The following EZH2 variants were observed in gnomAD, a reference collection of about 807,000 sequenced individuals.
The protein encoded by EZH2 is histone-lysine N-methyltransferase EZH2.
In EZH2, 18 loss-of-function variants were observed where a neutral mutation model predicts 98.4. That is an observed-to-expected ratio of 0.18 (90% CI 0.13 to 0.27). EZH2 has a LOEUF of 0.27. Ranked by LOEUF, EZH2 falls within the 10% of genes least tolerant of loss-of-function variation. The pLI is 1.00. For missense variants in EZH2, 470 were observed against 935.1 expected (o/e 0.50, Z 6.49); for synonymous variants, 338 against 312.3 (o/e 1.08, Z -0.87).
chr7:148,882,712 T>C (rs902967712), intron 1 of EZH2, among the ~76,000 whole-genome samples: 5 of 152,372 alleles, frequency 3.3e-5, no homozygotes, highest in East Asian at 1.9e-4. Flanking sequence ...TTAAATGCTG[T>C]TTTATGATGA....
chr7:148,819,542 A>G (rs1419038368), intron 9 of EZH2, 54 bp downstream of exon 9: 12 of 1,454,122 alleles, frequency 8.3e-6, no homozygotes, highest in Admixed American at 1.7e-5. Context: ...CACCTCCACC[A>G]AAGTGCAAAG....
chr7:148,817,163 G>A, intron 11 of EZH2, 59 bp downstream of exon 11: 3 of 1,481,098 alleles, frequency 2.0e-6, no homozygotes, highest in South Asian at 1.3e-5. Flanking sequence ...TGGACAACGA[G>A]TACAGTTTTA....
intron 7 of EZH2, 25 bp downstream of exon 7, chr7:148,827,139 T>C (rs369814234): frequency 7.5e-5 from 119 of 1,582,288 alleles, no homozygotes; most frequent in Admixed American, 1.2e-4. Flanking sequence ...CAGGGCAAGA[T>C]TGCCTCAAAG....
intron 1 of EZH2, among the ~76,000 whole-genome samples, chr7:148,874,715 A>T (rs1056737968): frequency 6.6e-6 from 1 of 152,160 alleles, no homozygotes; most frequent in Non-Finnish European, 1.5e-5. Context: ...GCTACTTTAC[A>T]AAAATAAAAT....
At chr7:148,855,057 GA>G (rs1480460702) in intron 1 of EZH2, among the ~76,000 whole-genome samples, 1 of 152,242 alleles carries the variant, frequency 6.6e-6, no homozygotes, top group Non-Finnish European at 1.5e-5. Flanking sequence ...GAATCCAGGA[GA>G]AGCAGGCACG....
chr7:148,848,197 T>G (rs1213849633), intron 1 of EZH2, among the ~76,000 whole-genome samples: 1 of 152,174 alleles, frequency 6.6e-6, no homozygotes, highest in African/African-American at 2.4e-5. Flanking sequence ...TGCTTTATCT[T>G]AAGAACAATG....
chr7:148,843,232 GC>G (rs1393054001), intron 3 of EZH2, among the ~76,000 whole-genome samples: 2 of 149,422 alleles, frequency 1.3e-5, no homozygotes, highest in Non-Finnish European at 3.0e-5. Flanking sequence ...AAAAAAATTA[GC>G]CCGATGTGGT....
intron 6 of EZH2, among the ~76,000 whole-genome samples, chr7:148,828,273 T>G (rs1319717331): frequency 2.6e-5 from 4 of 152,174 alleles, no homozygotes; most frequent in Non-Finnish European, 4.4e-5. Context: ...CACAAAAAAT[T>G]ACGTTCTTTG....
chr7:148,846,256 G>GTTCAAA (rs1351449842), intron 3 of EZH2, among the ~76,000 whole-genome samples: 1 of 151,868 alleles, frequency 6.6e-6, no homozygotes, highest in Non-Finnish European at 1.5e-5. Flanking sequence ...CATCTACCTA[G>GTTCAAA]TTCAAAGTAT....
intron 1 of EZH2, among the ~76,000 whole-genome samples, chr7:148,856,136 GAGC>G (rs1457042301): frequency 6.6e-6 from 1 of 152,110 alleles, no homozygotes; most frequent in East Asian, 1.9e-4. Flanking sequence ...CTCATGGAAG[GAGC>G]AGGAGGTCGG....
intron 1 of EZH2, among the ~76,000 whole-genome samples, chr7:148,866,019 G>A (rs748499994): frequency 7.9e-5 from 12 of 152,112 alleles, no homozygotes; most frequent in Non-Finnish European, 1.8e-4. Flanking sequence ...AAACTCCTCT[G>A]GCTTATGTCG....
Position 148,828,676 on chromosome 7 carries a change from CTCTT to C in EZH2, c.625+60_625+63del. 10 of 1,542,506 alleles carry C rather than the reference CTCTT, an allele frequency of 6.5e-6. No homozygotes were observed. In the South Asian group the frequency reaches 1.1e-4, roughly 17 times the overall value. ...AAGAAGAAACTAAGCCCTATTTCTA[CTCTT>C]TCTACTGTTTTTGAAAGAAAGCTGT... On this transcript the variant is annotated intron_variant, in intron 6 of 19. Coordinates refer to ENST00000320356, the MANE Select transcript of EZH2 (RefSeq NM_004456.5).
At chr7:148,861,032 G>T (rs977829545) in intron 1 of EZH2, among the ~76,000 whole-genome samples, 1 of 151,976 alleles carries the variant, frequency 6.6e-6, no homozygotes, top group East Asian at 1.9e-4. Flanking sequence ...GGGGGTCTAG[G>T]GGGTATTGGT....
chr7:148,813,039 T>A (rs930734501), intron 15 of EZH2, among the ~76,000 whole-genome samples: 4 of 144,320 alleles, frequency 2.8e-5, no homozygotes, highest in African/African-American at 1.1e-4. Flanking sequence ...ATATGTCTAC[T>A]CTACACCCCA....
At chr7:148,832,572 C>CT in intron 4 of EZH2, 62 bp downstream of exon 4, 1 of 884,510 alleles carries the variant, frequency 1.1e-6, no homozygotes, top group Admixed American at 2.2e-5. Flanking sequence ...ATAAAATTAT[C>CT]TATGCTTTTT....
intron 1 of EZH2, among the ~76,000 whole-genome samples, chr7:148,862,805 A>C (rs11974274): frequency 0.022 from 3,375 of 152,282 alleles, 110 homozygotes; most frequent in African/African-American, 0.077. Flanking sequence ...GGACATTCTC[A>C]AACAAAACTG....
At chr7:148,861,168 T>C (rs1405255197) in intron 1 of EZH2, among the ~76,000 whole-genome samples, 1 of 152,094 alleles carries the variant, frequency 6.6e-6, no homozygotes, top group Non-Finnish European at 1.5e-5. Context: ...AGATTACTTA[T>C]GATCATCTAA....
chr7:148,835,450 G>C (rs1810654993), intron 3 of EZH2, among the ~76,000 whole-genome samples: 1 of 149,984 alleles, frequency 6.7e-6, no homozygotes, highest in African/African-American at 2.5e-5. Flanking sequence ...AGAAAATAGA[G>C]ACATAATGTA....
intron 1 of EZH2, among the ~76,000 whole-genome samples, chr7:148,881,161 A>T (rs1820902731): frequency 6.6e-6 from 1 of 152,232 alleles, no homozygotes; most frequent in African/African-American, 2.4e-5. Flanking sequence ...CTAATCCATA[A>T]ATCATTGCTA....
Sources: allele counts gnomAD v4.1 joint callset (sites outside exome capture counted in the v4.1 genomes callset), GRCh38; gene constraint gnomAD v4.1.1; transcripts MANE v1.5; gene names NCBI Gene and HGNC (gene_info 2026-07-23, HGNC 2026-07-21).